EXOC6B: variants seen among roughly 807,000 people sequenced by gnomAD.
EXOC6B encodes the protein exocyst complex component 6B, also known as SEC15 homolog B.
A neutral mutation model predicts 113.5 loss-of-function variants in EXOC6B; 54 were observed. The observed-to-expected ratio is 0.48, with a 90% CI of 0.38 to 0.60. The LOEUF (loss-of-function observed/expected upper bound fraction) is 0.60. Among genes scored for constraint, EXOC6B ranks in the 20% least tolerant of loss-of-function variants. EXOC6B has a pLI of 0.00. For missense variants in EXOC6B, 797 were observed against 977.5 expected, an observed-to-expected ratio of 0.82 and a Z score of 2.46; for synonymous variants, 357 against 339.0, an observed-to-expected ratio of 1.05 and a Z score of -0.58.
chr2:72,478,957 CATA>C (rs1270310834), intron 17 of EXOC6B, among the ~76,000 whole-genome samples: 1 of 152,142 alleles, frequency 6.6e-6, no homozygotes, highest in Admixed American at 6.5e-5. Flanking sequence ...GCCCAAGCTC[CATA>C]ATAATGCTAG....
chr2:72,274,426 G>A (rs987227692), intron 20 of EXOC6B, among the ~76,000 whole-genome samples: 4 of 152,062 alleles, frequency 2.6e-5, no homozygotes, highest in African/African-American at 9.7e-5. Flanking sequence ...TTGCAATGTC[G>A]AACCTTAATC....
chr2:72,241,615 G>T (rs1400700864), intron 20 of EXOC6B, among the ~76,000 whole-genome samples: 9 of 151,964 alleles, frequency 5.9e-5, no homozygotes. Context: ...GTTGGGGAGG[G>T]GGAGCGTCAG....
chr2:72,257,734 G>A (rs572760961), intron 20 of EXOC6B, among the ~76,000 whole-genome samples: 82 of 152,226 alleles, frequency 5.4e-4, no homozygotes, highest in Middle Eastern at 3.4e-3. Context: ...ATCAAAGCAG[G>A]AGTTATTTTT....
At chr2:72,423,062 G>A (rs1245907416) in intron 18 of EXOC6B, among the ~76,000 whole-genome samples, 1 of 151,998 alleles carries the variant, frequency 6.6e-6, no homozygotes, top group Non-Finnish European at 1.5e-5. Context: ...CACTCTTTGG[G>A]TCCACGCTGC....
At chr2:72,278,070 C>T (rs2104657462) in intron 20 of EXOC6B, among the ~76,000 whole-genome samples, 1 of 152,156 alleles carries the variant, frequency 6.6e-6, no homozygotes, top group East Asian at 1.9e-4. Flanking sequence ...ACTAAGCATT[C>T]AAAAAATGTT....
At chr2:72,739,930 T>C (rs1007258983) in intron 2 of EXOC6B, among the ~76,000 whole-genome samples, 1 of 152,114 alleles carries the variant, frequency 6.6e-6, no homozygotes, top group Admixed American at 6.5e-5. Context: ...CTTAAGCATT[T>C]TGGAAATTTT....
intron 20 of EXOC6B, among the ~76,000 whole-genome samples, chr2:72,281,530 G>A (rs1685132123): frequency 6.6e-6 from 1 of 151,986 alleles, no homozygotes; most frequent in Non-Finnish European, 1.5e-5. Context: ...AGAGATTTAA[G>A]AACAGATTGG....
chr2:72,591,453 G>A (rs1705953790), intron 6 of EXOC6B, among the ~76,000 whole-genome samples: 1 of 152,008 alleles, frequency 6.6e-6, no homozygotes, highest in Non-Finnish European at 1.5e-5. Flanking sequence ...ATATTCCTAA[G>A]AAACAATATT....
chr2:72,406,672 CAT>C (rs1448567290), intron 18 of EXOC6B, among the ~76,000 whole-genome samples: 2 of 152,162 alleles, frequency 1.3e-5, no homozygotes, highest in Non-Finnish European at 2.9e-5. Context: ...AAAGACACAA[CAT>C]ACCAGAATCT....
intron 1 of EXOC6B, among the ~76,000 whole-genome samples, chr2:72,761,599 A>C (rs2104901243): frequency 6.6e-6 from 1 of 152,332 alleles, no homozygotes; most frequent in South Asian, 2.1e-4. Flanking sequence ...TAAATAATAA[A>C]ATAAATGGCC....
intron 20 of EXOC6B, among the ~76,000 whole-genome samples, chr2:72,326,865 T>C (rs1477675417): frequency 6.6e-6 from 1 of 152,020 alleles, no homozygotes; most frequent in Non-Finnish European, 1.5e-5. Context: ...CCTCCAAGGA[T>C]GAAGCGGAAA....
At chr2:72,596,602 AG>A (rs1275973193) in intron 6 of EXOC6B, among the ~76,000 whole-genome samples, 1 of 152,108 alleles carries the variant, frequency 6.6e-6, no homozygotes, top group Non-Finnish European at 1.5e-5. Flanking sequence ...AAGAAGAAAA[AG>A]AAAGGTCAAG....
chr2:72,357,640 G>A (rs1690046917), intron 19 of EXOC6B, among the ~76,000 whole-genome samples: 1 of 151,850 alleles, frequency 6.6e-6, no homozygotes, highest in Non-Finnish European at 1.5e-5. Flanking sequence ...GCAGTGAGCT[G>A]AGACAGTGCC....
intron 1 of EXOC6B, among the ~76,000 whole-genome samples, chr2:72,748,592 T>A (rs1453876101): frequency 2.0e-5 from 3 of 152,078 alleles, no homozygotes; most frequent in Non-Finnish European, 4.4e-5. Flanking sequence ...ATTTTTGTAC[T>A]GCCACAGGAG....
chr2:72,594,984 C>T (rs1379130233), intron 6 of EXOC6B, among the ~76,000 whole-genome samples: 3 of 152,024 alleles, frequency 2.0e-5, no homozygotes, highest in African/African-American at 7.2e-5. Context: ...TGACGCCGGA[C>T]GCAGTGGCTC....
intron 20 of EXOC6B, among the ~76,000 whole-genome samples, chr2:72,312,809 A>C (rs1245628133): frequency 6.6e-6 from 1 of 151,566 alleles, no homozygotes; most frequent in Non-Finnish European, 1.5e-5. Flanking sequence ...CCAAAAAAAA[A>C]AAAAACAAAA....
At chr2:72,478,193 C>T (rs943418716) in intron 17 of EXOC6B, among the ~76,000 whole-genome samples, 2 of 152,102 alleles carry the variant, frequency 1.3e-5, no homozygotes, top group African/African-American at 2.4e-5. Context: ...GATACACAAG[C>T]AATATTTATT....
chr2:72,626,051 T>C (rs1672031292), intron 6 of EXOC6B, among the ~76,000 whole-genome samples: 2 of 152,056 alleles, frequency 1.3e-5, no homozygotes, highest in South Asian at 4.1e-4. Flanking sequence ...ACTATATACA[T>C]AAGTCAAGCA....
intron 1 of EXOC6B, among the ~76,000 whole-genome samples, chr2:72,796,453 CAA>C (rs61374385): frequency 5.4e-4 from 29 of 54,000 alleles, no homozygotes; most frequent in Admixed American, 6.2e-4. Context: ...ACTCCATCTC[CAA>C]AAAAAAAAAA....
Sources: allele counts gnomAD v4.1 joint callset (sites outside exome capture counted in the v4.1 genomes callset), GRCh38; gene constraint gnomAD v4.1.1; transcripts MANE v1.5; gene names NCBI Gene and HGNC (gene_info 2026-07-23, HGNC 2026-07-21).